AMPD3: variants seen among roughly 807,000 people sequenced by gnomAD.
AMPD3 encodes the protein AMP deaminase 3.
In AMPD3, 57 loss-of-function variants were observed where a neutral mutation model predicts 82.3. The ratio of observed to expected loss-of-function variants is 0.69; its 90% CI spans 0.56 to 0.86. The LOEUF is 0.86. Ranked by LOEUF, AMPD3 falls within the 40% of genes least tolerant of loss-of-function variation. The pLI, the probability that AMPD3 is intolerant of heterozygous loss-of-function variation, is 0.00. For missense variants in AMPD3, 870 were observed against 1,003.8 expected (o/e 0.87, Z 1.80); for synonymous variants, 381 against 394.7 (o/e 0.97, Z 0.41).
chr11:10,489,048 A>G (rs978832128), intron 6 of AMPD3, among the ~76,000 whole-genome samples: 9 of 152,182 alleles, frequency 5.9e-5, no homozygotes, highest in African/African-American at 2.2e-4. Context: ...GTGCCCTGAG[A>G]GGCTTACAGA....
Position 10,473,718 on chromosome 11 carries a change from T to A in AMPD3, c.222-4808T>A, listed in dbSNP as rs550479808. 90 of 569,656 alleles carry A rather than the reference T, an allele frequency of 1.6e-4. 1 individual carries two copies. The Middle Eastern group carries it at 2.5e-3, about 16-fold the overall frequency. The allele number at this position is 569,656 out of a possible 1,614,324, so 35.3% of individuals were successfully genotyped here. ...ATTTCTCCAGATAGGCTGGGACCTC[T>A]GGTCTCAAGTACAGGGAAGGTGTCA... On this transcript the variant is annotated intron_variant, in intron 2 of 14. Transcript: ENST00000396553.
intron 6 of AMPD3, chr11:10,488,462 G>A (rs1849143828): frequency 2.2e-6 from 2 of 901,574 alleles, no homozygotes; most frequent in Non-Finnish European, 1.3e-6. Context: ...AGGGAGGGAT[G>A]GTATGAGAGA....
chr11:10,476,136 C>G (rs1848729595), intron 2 of AMPD3, among the ~76,000 whole-genome samples: 1 of 152,188 alleles, frequency 6.6e-6, no homozygotes, highest in Admixed American at 6.5e-5. Context: ...CTCCATATAG[C>G]TTTTCCAATT....
chr11:10,499,302 C>T (rs1849510575), intron 10 of AMPD3: 1 of 152,356 alleles, frequency 6.6e-6, no homozygotes, highest in Non-Finnish European at 1.5e-5. Context: ...CAACCTCCAC[C>T]TCCGGGGTTC....
chr11:10,502,420 A>C, intron 12 of AMPD3: 2 of 985,018 alleles, frequency 2.0e-6, no homozygotes, highest in Non-Finnish European at 2.4e-6. Context: ...TGTAGGCTGG[A>C]GTGGGCTGCC....
Position 10,455,455 on chromosome 11 carries a change from A to C in AMPD3, c.-6+7A>C. The C allele has an allele frequency of 3.4e-5, 16 of 470,670 alleles. No individual in the cohort carries two copies. The highest frequency in any genetic ancestry group is 6.7e-5 in the Admixed American group (1 of 14,938). 29.2% of individuals were successfully genotyped at this position (470,670 alleles called of 1,614,324 possible). The stretch of plus-strand genomic sequence containing the variant: ...GTGGGAGCAGTGAGCGGCTGTAAGC[A>C]GGGGAGGGTTTGGGGTGGGCTCCGG... On this transcript the variant is annotated splice_region_variant and intron_variant, in intron 1 of 14. Coordinates refer to ENST00000396553, the MANE Select transcript of AMPD3 (RefSeq NM_001025389.2).
At chr11:10,468,197 G>GC (rs1246088588) in intron 2 of AMPD3, among the ~76,000 whole-genome samples, 2 of 152,178 alleles carry the variant, frequency 1.3e-5, no homozygotes, top group Non-Finnish European at 2.9e-5. Context: ...CGGGCTAAAT[G>GC]CCCCAATTAA....
chr11:10,469,556 C>T (rs1848522456), intron 2 of AMPD3, among the ~76,000 whole-genome samples: 1 of 152,204 alleles, frequency 6.6e-6, no homozygotes, highest in Non-Finnish European at 1.5e-5. Context: ...CAGCCAAATT[C>T]TACCAGAGGT....
At chr11:10,498,042 TA>T (rs1312626911) in intron 10 of AMPD3, among the ~76,000 whole-genome samples, 1 of 152,194 alleles carries the variant, frequency 6.6e-6, no homozygotes, top group Non-Finnish European at 1.5e-5. Flanking sequence ...ATCATAAAGC[TA>T]AAAGTGGCAG....
chr11:10,475,206 G>A (rs968473602), intron 2 of AMPD3, among the ~76,000 whole-genome samples: 2 of 152,162 alleles, frequency 1.3e-5, no homozygotes, highest in East Asian at 1.9e-4. Flanking sequence ...AAGAGGCAGC[G>A]AGAGTGGGTA....
chr11:10,466,663 G>T (rs1386540364), intron 2 of AMPD3, among the ~76,000 whole-genome samples: 3 of 152,230 alleles, frequency 2.0e-5, no homozygotes, highest in African/African-American at 7.2e-5. Context: ...GAGACCAGCA[G>T]TCCTCCCAGC....
chr11:10,462,963 G>A (rs1329338105), intron 2 of AMPD3, among the ~76,000 whole-genome samples: 1 of 152,150 alleles, frequency 6.6e-6, no homozygotes, highest in African/African-American at 2.4e-5. Flanking sequence ...AGGACTTGTG[G>A]GGCCCAGATC....
At chr11:10,505,215 C>T (rs892242261) in intron 14 of AMPD3, 46 of 985,256 alleles carry the variant, frequency 4.7e-5, no homozygotes, top group Non-Finnish European at 5.5e-5. Context: ...TTAGGTCCCC[C>T]GACACCTCCC....
intron 2 of AMPD3, chr11:10,473,707 G>A: frequency 1.5e-6 from 1 of 682,186 alleles, no homozygotes; most frequent in Non-Finnish European, 1.8e-6. Flanking sequence ...CTCCAGATAG[G>A]CTGGGACCTC....
At chr11:10,469,470 C>T (rs1220142797) in intron 2 of AMPD3, among the ~76,000 whole-genome samples, 1 of 152,158 alleles carries the variant, frequency 6.6e-6, no homozygotes, top group Non-Finnish European at 1.5e-5. Context: ...CCTGAATAGA[C>T]CAATAACAAG....
chr11:10,477,939 C>T (rs553815553), intron 2 of AMPD3: 12 of 985,440 alleles, frequency 1.2e-5, no homozygotes, highest in Admixed American at 1.2e-4. Flanking sequence ...CGCTAGTCCA[C>T]GGTCCTGAGC....
rs185491274 is a variant in AMPD3, at chr11:10,489,900, C to T, written c.939+2536C>T. On this transcript the variant is annotated intron_variant, in intron 6 of 14. Transcript: ENST00000396553. Reference sequence around the variant, plus strand: ...TTTGCCATATTGCCCAGGCTGGCCCCGAACTCTCAGCCTCAGGTGATCTGC... The same window carrying T: ...TTTGCCATATTGCCCAGGCTGGCCCTGAACTCTCAGCCTCAGGTGATCTGC... Among the ~76,000 whole-genome samples the T allele has an allele frequency of 7.9e-4, 120 of 152,232 alleles. 1 individual carries two copies. Among genetic ancestry groups the T allele is most frequent in the African/African-American group, 2.7e-3 (113 of 41,534 alleles).
At chr11:10,465,041 G>A (rs1200408026) in intron 2 of AMPD3, among the ~76,000 whole-genome samples, 1 of 152,200 alleles carries the variant, frequency 6.6e-6, no homozygotes, top group Non-Finnish European at 1.5e-5. Flanking sequence ...TTGACTGCCT[G>A]AGCTGGTTTC....
upstream of AMPD3, among the ~76,000 whole-genome samples, chr11:10,453,598 T>C (rs965308876): frequency 2.0e-5 from 3 of 152,002 alleles, no homozygotes; most frequent in Non-Finnish European, 4.4e-5. Flanking sequence ...CTTTTTTTTT[T>C]TCTTGAGATA....
Sources: gnomAD v4.1 joint callset for allele counts (sites outside exome capture counted in the v4.1 genomes callset) on GRCh38, gnomAD v4.1.1 for gene constraint, MANE v1.5 for transcripts, NCBI Gene and HGNC (gene_info 2026-07-23, HGNC 2026-07-21) for gene names.